The following ZNF540 variants were observed in gnomAD, a reference collection of about 807,000 sequenced individuals.
The protein encoded by ZNF540 is zinc finger protein 540.
A neutral mutation model predicts 11.8 loss-of-function variants in ZNF540; 3 were observed. The observed-to-expected ratio is 0.25, with a 90% CI of 0.12 to 0.65. The LOEUF is 0.65. Ranked by LOEUF, ZNF540 falls within the 30% of genes least tolerant of loss-of-function variation. ZNF540 has a pLI of 0.83. For missense variants in ZNF540, 709 were observed against 793.1 expected (o/e 0.89, Z 1.27); for synonymous variants, 247 against 259.0 (o/e 0.95, Z 0.45).
intron 1 of ZNF540, among the ~76,000 whole-genome samples, chr19:37,575,003 C>T (rs2043194626): frequency 6.6e-6 from 1 of 152,158 alleles, no homozygotes; most frequent in Non-Finnish European, 1.5e-5. Context: ...TCAAAAATCA[C>T]CTCCACTTCA....
intron 1 of ZNF540, among the ~76,000 whole-genome samples, chr19:37,556,480 T>C (rs2042660787): frequency 6.6e-6 from 1 of 152,094 alleles, no homozygotes; most frequent in East Asian, 1.9e-4. Context: ...TTCAGAGCCA[T>C]TGGCGTTGTG....
intron 1 of ZNF540, among the ~76,000 whole-genome samples, chr19:37,572,184 A>G (rs2043083973): frequency 6.7e-6 from 1 of 150,198 alleles, no homozygotes; most frequent in Non-Finnish European, 1.5e-5. Flanking sequence ...GGACCCATAC[A>G]CTGTAAACAT....
chr19:37,594,169 T>C (rs973379188), upstream of ZNF540: 19 of 152,368 alleles, frequency 1.2e-4, no homozygotes, highest in African/African-American at 4.6e-4. Context: ...CCTAAGACAC[T>C]TCCAGGGGTA....
In ZNF540 at chr19:37,604,183, A is replaced by G. The variant is rs569215888; in HGVS notation, c.232+3078A>G. On this transcript the variant is annotated intron_variant, in intron 4 of 4. Coordinates refer to ENST00000316433, the MANE Select transcript of ZNF540 (RefSeq NM_001172225.3). Reference sequence around the variant, plus strand: ...GGAATTTCATTTGCTTAGGCTTTTTATTTCTTCTGTGGTCAATACAGGAAA... The same window carrying G: ...GGAATTTCATTTGCTTAGGCTTTTTGTTTCTTCTGTGGTCAATACAGGAAA... Among the ~76,000 whole-genome samples the G allele has an allele frequency of 2.8e-4, 39 of 139,696 alleles. No homozygotes were observed. The South Asian group carries it at 8.2e-3, about 29-fold the overall frequency. 91.6% of individuals were successfully genotyped at this position (139,696 alleles called of 152,430 possible).
chr19:37,613,583 G>C lies in ZNF540; in HGVS notation c.*320G>C, dbSNP rs1174533377. ...GCTGTAAAATGAAACACACCTAAAA[G>C]TGTGGTTGTTTCCAACATGTATAAT... On this transcript the variant is annotated 3_prime_UTR_variant, in exon 5 of 5. Coordinates refer to ENST00000316433, the MANE Select transcript of ZNF540 (RefSeq NM_001172225.3). The C allele has an allele frequency of 2.5e-6, 1 of 397,146 alleles. No individual in the cohort carries two copies. The highest frequency in any genetic ancestry group is 4.4e-6 in the Non-Finnish European group (1 of 225,028). The allele number at this position is 397,146 out of a possible 1,614,324, so 24.6% of individuals were successfully genotyped here.
In ZNF540 at chr19:37,569,139, G is replaced by C. The variant is rs543646583; in HGVS notation, c.-73+17474G>C. Among the ~76,000 whole-genome samples, 1 of 152,158 alleles carries C rather than the reference G, an allele frequency of 6.6e-6. No homozygotes were observed. Among genetic ancestry groups the C allele is most frequent in the South Asian group, 2.1e-4 (1 of 4,824 alleles). ...GGCTCATTTTTGTATTTTTAGTAGAGATAGGCCTTCACCATATTGGTCAGG... is the reference window on the plus strand; with the variant it reads ...GGCTCATTTTTGTATTTTTAGTAGACATAGGCCTTCACCATATTGGTCAGG... On this transcript the variant is annotated intron_variant, in intron 1 of 4. Coordinates refer to the ZNF540 transcript ENST00000592533. The surrounding 1 kb of genome is among the most constrained non-coding windows in gnomAD (Gnocchi z 4.4).
chr19:37,598,591 CCT>C (rs2044014205), intron 2 of ZNF540, 135 bp downstream of exon 2: 1 of 869,790 alleles, frequency 1.1e-6, no homozygotes. Flanking sequence ...CCATGGGCCC[CCT>C]CTCTTTTCTA....
At chr19:37,584,576 C>T (rs2043593852) in intron 1 of ZNF540, among the ~76,000 whole-genome samples, 1 of 152,082 alleles carries the variant, frequency 6.6e-6, no homozygotes, top group Admixed American at 6.6e-5. Flanking sequence ...TTTGAAGACT[C>T]AGATTCATCA....
At chr19:37,551,640 A>G (rs2042606001) in exon 1 of ZNF540, 1 of 152,252 alleles carries the variant, frequency 6.6e-6, no homozygotes, top group Non-Finnish European at 1.5e-5. Context: ...CGTCTCCTTG[A>G]ACGTTGTCCC....
At chr19:37,565,642 A>G (rs772753599) in intron 1 of ZNF540, 2 of 1,613,328 alleles carry the variant, frequency 1.2e-6, no homozygotes, top group South Asian at 1.1e-5. Context: ...ATTGTGAACA[A>G]TAACTAAAGG....
chr19:37,580,025 T>A (rs1268643114), intron 1 of ZNF540, among the ~76,000 whole-genome samples: 2 of 152,348 alleles, frequency 1.3e-5, no homozygotes, highest in East Asian at 3.9e-4. Flanking sequence ...ATTTAGCTCA[T>A]AAGCTTTATC....
At chr19:37,558,602 A>G (rs560774862) in intron 1 of ZNF540, among the ~76,000 whole-genome samples, 62 of 152,128 alleles carry the variant, frequency 4.1e-4, no homozygotes, top group Non-Finnish European at 8.1e-4. Context: ...TTGGGTCCCA[A>G]TTAGGCCGGG....
At chr19:37,556,936 G>A (rs1403580973) in intron 1 of ZNF540, among the ~76,000 whole-genome samples, 1 of 152,174 alleles carries the variant, frequency 6.6e-6, no homozygotes, top group Non-Finnish European at 1.5e-5. Flanking sequence ...GCACAATGGA[G>A]CTTCTATTGA....
chr19:37,559,667 G>A (rs1388053451), intron 1 of ZNF540, among the ~76,000 whole-genome samples: 1 of 152,128 alleles, frequency 6.6e-6, no homozygotes, highest in Non-Finnish European at 1.5e-5. Context: ...AATATTTAGG[G>A]GGAAAAGGTA....
chr19:37,590,830 A>C (rs1022732106), upstream of ZNF540, among the ~76,000 whole-genome samples: 1 of 152,208 alleles, frequency 6.6e-6, no homozygotes, highest in African/African-American at 2.4e-5. Context: ...GCATAACCAA[A>C]TGTAATCCAT....
At position 37,565,256 on chromosome 19, in the gene ZNF540, T is replaced by C. The variant is rs773638990; in HGVS notation, c.-73+13591T>C. 3.1e-6 allele frequency: 5 copies of C among 1,612,444 alleles called. No homozygotes were observed. The highest frequency in any genetic ancestry group is 1.7e-5 in the Admixed American group (1 of 59,732). On this transcript the variant is annotated intron_variant, in intron 1 of 4. Coordinates refer to the ZNF540 transcript ENST00000592533. ...GGCTTTCCCACATTCTTTGCATTTATAAGGTCTCTCACCTGAATGAACTCT... is the reference window on the plus strand; with the variant it reads ...GGCTTTCCCACATTCTTTGCATTTACAAGGTCTCTCACCTGAATGAACTCT...
rs769868558 is a variant in ZNF540, at chr19:37,612,784, A to T, written c.1504A>T (p.Lys502Ter). The change falls in exon 5 of 5, where the codon AAG becomes TAG. Residue 502 changes from lysine to a stop codon, truncating the protein, a stop_gained. Coordinates refer to ENST00000316433, the MANE Select transcript of ZNF540 (RefSeq NM_001172225.3). LOFTEE classifies it low-confidence loss of function (END_TRUNC). ...GCCCTACAAATGTGTACGATGTGGGAAGACCTTTAGATTTGGTTTCTACCT... is the reference window on the plus strand; with the variant it reads ...GCCCTACAAATGTGTACGATGTGGGTAGACCTTTAGATTTGGTTTCTACCT... ...VKPYKCVRCGKTFRFGFYLTE... is the reference protein window; with the variant it reads ...VKPYKCVRCG The T allele has an allele frequency of 5.0e-6, 8 of 1,614,076 alleles. No individual in the cohort carries two copies. Among genetic ancestry groups the T allele is most frequent in the Non-Finnish European group, 6.8e-6 (8 of 1,180,018 alleles).
At chr19:37,567,180 T>G (rs1452317145) in intron 1 of ZNF540, among the ~76,000 whole-genome samples, 1 of 152,234 alleles carries the variant, frequency 6.6e-6, no homozygotes, top group African/African-American at 2.4e-5. Flanking sequence ...CACTAATGGA[T>G]ATACCATTTC....
At chr19:37,576,739 A>G (rs1480809303) in intron 1 of ZNF540, among the ~76,000 whole-genome samples, 3 of 152,220 alleles carry the variant, frequency 2.0e-5, no homozygotes, top group Non-Finnish European at 2.9e-5. Context: ...TTCTGAATAC[A>G]TGATAGCAAA....
Sources: allele counts gnomAD v4.1 joint callset (sites outside exome capture counted in the v4.1 genomes callset), GRCh38; gene constraint gnomAD v4.1.1; non-coding constraint Gnocchi (gnomAD v3.1); transcripts MANE v1.5; gene names NCBI Gene and HGNC (gene_info 2026-07-23, HGNC 2026-07-21).